Variants in CLTCL1 observed in about 807,000 individuals in gnomAD.
CLTCL1 encodes the protein clathrin heavy chain 2.
CLTCL1 carries 159 observed loss-of-function variants against 190.0 expected under a neutral mutation model. The ratio of observed to expected loss-of-function variants is 0.84; its 90% CI spans 0.74 to 0.95. CLTCL1 has a LOEUF of 0.95. Ranked by LOEUF, CLTCL1 falls within the 40% of genes least tolerant of loss-of-function variation. The pLI is 0.00. For synonymous variants in CLTCL1, 752 were observed against 769.6 expected (o/e 0.98, Z 0.38); for missense variants, 1,878 against 2,033.4 (o/e 0.92, Z 1.47).
Position 19,242,892 on chromosome 22 carries a change from C to T in CLTCL1, c.564G>A (p.Arg188=), listed in dbSNP as rs781848527. The change falls in exon 4 of 33, where the codon AGG becomes AGA. Residue 188 remains arginine, a synonymous_variant. Coordinates refer to ENST00000427926, the MANE Select transcript of CLTCL1 (RefSeq NM_007098.4). ...VGAMQLYSVD[R]KVSQPIEGHA... is the part of the protein sequence containing the mutation. ...GGCCTTCTATGGGTTGTGAAACCTTCCTATCCACAGAGTAGAGCTGCATTG... is the reference window on the plus strand; with the variant it reads ...GGCCTTCTATGGGTTGTGAAACCTTTCTATCCACAGAGTAGAGCTGCATTG... The T allele has an allele frequency of 4.3e-6, 7 of 1,613,948 alleles. No individual in the cohort carries two copies. In the South Asian group the frequency reaches 7.7e-5, roughly 18 times the overall value.
chr22:19,199,992 T>C lies in CLTCL1; in HGVS notation c.3766-151A>G, dbSNP rs5748037. Among the ~76,000 whole-genome samples the C allele has an allele frequency of 9.5e-3, 1,443 of 152,272 alleles. 34 individuals are homozygous for C. Among genetic ancestry groups the C allele is most frequent in the East Asian group, 0.069 (356 of 5,184 alleles). ...AACAAGTAGCTAACTCTATGATGAA[T>C]TGTACAAGACTGGGAGAAAAAATAT... On this transcript the variant is annotated intron_variant, in intron 23 of 32. Transcript: ENST00000427926.
At chr22:19,284,182 T>C (rs986038183) in intron 1 of CLTCL1, among the ~76,000 whole-genome samples, 1 of 152,178 alleles carries the variant, frequency 6.6e-6, no homozygotes, top group African/African-American at 2.4e-5. Context: ...AATGCTTAAG[T>C]TGCACTGAAC....
rs782259707 is a variant in CLTCL1, at chr22:19,254,010, G to T, written c.468C>A (p.Tyr156Ter). The T allele has an allele frequency of 3.7e-6, 6 of 1,613,074 alleles. No individual in the cohort carries two copies. The highest frequency in any genetic ancestry group is 4.2e-6 in the Non-Finnish European group (5 of 1,179,492). The change falls in exon 3 of 33, where the codon TAC (tyrosine) becomes TAA (stop). Residue 156 changes from tyrosine (Y) to a stop codon, truncating the protein, a stop_gained. Transcript: ENST00000427926. LOFTEE classifies it high-confidence loss of function. ...GCCACTTCTGGTACTCATCAGTCCG[G>T]TAGTGAATCACCTGGCAGCCCACCA... ...TSLVGCQVIHYRTDEYQKWLL... is the reference protein window; with the variant it reads ...TSLVGCQVIH
intron 22 of CLTCL1, among the ~76,000 whole-genome samples, chr22:19,206,401 T>A (rs1263704080): frequency 1.3e-5 from 2 of 151,838 alleles, no homozygotes; most frequent in African/African-American, 4.8e-5. Context: ...TGCCACACAC[T>A]CGGCTAATAT....
intron 26 of CLTCL1, among the ~76,000 whole-genome samples, chr22:19,192,139 C>T (rs182823593): frequency 5.4e-5 from 8 of 147,836 alleles, no homozygotes; most frequent in Non-Finnish European, 5.9e-5. Flanking sequence ...GATCTCTGCT[C>T]ACTGCAAGCT....
intron 26 of CLTCL1, among the ~76,000 whole-genome samples, chr22:19,192,063 CTT>C (rs782761355): frequency 0.012 from 1,476 of 118,272 alleles, 35 homozygotes; most frequent in East Asian, 0.12. Flanking sequence ...GCGATGTCAT[CTT>C]TTTTTTTTTT....
chr22:19,207,457 G>A, intron 22 of CLTCL1: 1 of 400,326 alleles, frequency 2.5e-6, no homozygotes, highest in East Asian at 3.6e-5. Context: ...GTATAGCCAA[G>A]AGCATGTCAA....
At chr22:19,247,353 C>T (rs2086449180) in intron 3 of CLTCL1, among the ~76,000 whole-genome samples, 1 of 152,302 alleles carries the variant, frequency 6.6e-6, no homozygotes, top group African/African-American at 2.4e-5. Flanking sequence ...CATTGGTCTA[C>T]ATGTCTATTC....
intron 18 of CLTCL1, among the ~76,000 whole-genome samples, chr22:19,217,121 G>A (rs1348104725): frequency 6.6e-6 from 1 of 152,128 alleles, no homozygotes; most frequent in East Asian, 1.9e-4. Flanking sequence ...GAACTCAATG[G>A]TACCATAAGA....
At position 19,180,801 on chromosome 22, in the gene CLTCL1, G is replaced by T; in HGVS notation, c.4833C>A (p.Asp1611Glu). Residue 1611 changes from aspartate (D) to glutamate (E), a missense_variant, in exon 31 of 33, where the codon GAC becomes GAA. By Grantham distance (45) the Asp-to-Glu change is conservative. Transcript: ENST00000427926. ...GCAGACTCTCCAAGGCATCCAGTTT[G>T]TCCACCTGCAAGGAGGCAAAAGCAC... Reference protein sequence around the residue: ...QVMREYLSKVDKLDALESLRK... With the variant: ...QVMREYLSKVEKLDALESLRK... 1 of 1,613,806 alleles carries T rather than the reference G, an allele frequency of 6.2e-7. No homozygotes were observed. Among genetic ancestry groups the T allele is most frequent in the Non-Finnish European group, 8.5e-7 (1 of 1,179,804 alleles).
intron 2 of CLTCL1, among the ~76,000 whole-genome samples, chr22:19,264,272 T>C (rs1327855360): frequency 6.6e-6 from 1 of 150,648 alleles, no homozygotes; most frequent in Admixed American, 6.6e-5. Flanking sequence ...ATGGCTACCA[T>C]TAAAAAGAAA....
At chr22:19,196,795 T>C (rs2084724653) in intron 24 of CLTCL1, 139 bp from the exon 25 acceptor site, 2 of 913,574 alleles carry the variant, frequency 2.2e-6, no homozygotes, top group East Asian at 5.3e-5. Flanking sequence ...AAAACGTGTA[T>C]ACATACTGTG....
At chr22:19,210,276 T>A in intron 20 of CLTCL1, 50 bp downstream of exon 20, 1 of 1,576,128 alleles carries the variant, frequency 6.3e-7, no homozygotes, top group Non-Finnish European at 8.7e-7. Context: ...GGCGCACTCA[T>A]GATGTGGCAG....
chr22:19,259,733 C>G (rs1284736660), intron 2 of CLTCL1, among the ~76,000 whole-genome samples: 6 of 152,058 alleles, frequency 3.9e-5, no homozygotes, highest in African/African-American at 1.5e-4. Context: ...TTCCCTGAGA[C>G]ACAACAATAT....
chr22:19,230,642 A>G (rs1601592342), intron 10 of CLTCL1, among the ~76,000 whole-genome samples: 1 of 152,168 alleles, frequency 6.6e-6, no homozygotes, highest in Non-Finnish European at 1.5e-5. Flanking sequence ...CTTATCAGTG[A>G]GGTATTTTAC....
chr22:19,216,538 T>C (rs2085390966), intron 18 of CLTCL1, among the ~76,000 whole-genome samples: 8 of 152,228 alleles, frequency 5.3e-5, no homozygotes, highest in Admixed American at 5.2e-4. Context: ...AATGTCTCCT[T>C]TTAGATTTGT....
intron 1 of CLTCL1, among the ~76,000 whole-genome samples, chr22:19,278,078 C>T (rs1469665585): frequency 1.3e-5 from 2 of 152,060 alleles, no homozygotes; most frequent in African/African-American, 2.4e-5. Context: ...TAGAGAAAGG[C>T]GCGAGGGGTG....
intron 18 of CLTCL1, among the ~76,000 whole-genome samples, chr22:19,217,853 G>GA (rs535821018): frequency 0.13 from 10,562 of 81,300 alleles, 465 homozygotes; most frequent in Middle Eastern, 0.29. Flanking sequence ...CTCAAAAAGA[G>GA]AAAAAAAAAA....
Position 19,219,882 on chromosome 22 carries a change from C to T in CLTCL1, c.2919+3G>A, listed in dbSNP as rs2085512394. 1 of 1,614,068 alleles carries T rather than the reference C, an allele frequency of 6.2e-7. No homozygotes were observed. The highest frequency in any genetic ancestry group is 8.5e-7 in the Non-Finnish European group (1 of 1,179,900). On this transcript the variant is annotated splice_donor_region_variant and intron_variant, in intron 18 of 32. Coordinates refer to ENST00000427926, the MANE Select transcript of CLTCL1 (RefSeq NM_007098.4). ...TGCAGACATACCCATCTCTGTGCCT[C>T]ACCTGGTCAATTAGCTGTCTCCTGG...
Sources: allele counts gnomAD v4.1 joint callset (sites outside exome capture counted in the v4.1 genomes callset), GRCh38; gene constraint gnomAD v4.1.1; transcripts MANE v1.5; gene names NCBI Gene and HGNC (gene_info 2026-07-23, HGNC 2026-07-21).